The following DSCAML1 variants were observed in gnomAD, a reference collection of about 807,000 sequenced individuals.
DSCAML1 encodes DS cell adhesion molecule like 1, also known as cell adhesion molecule DSCAML1.
DSCAML1 carries 38 observed loss-of-function variants against 200.5 expected under a neutral mutation model. The ratio of observed to expected loss-of-function variants is 0.19; its 90% CI spans 0.15 to 0.25. DSCAML1 has a LOEUF of 0.25. Among genes scored for constraint, DSCAML1 ranks in the 10% least tolerant of loss-of-function variants. The pLI is 1.00. For synonymous variants in DSCAML1, 1,215 were observed against 1,165.0 expected (o/e 1.04, Z -0.87); for missense variants, 2,223 against 2,858.8 (o/e 0.78, Z 5.07).
intron 3 of DSCAML1, among the ~76,000 whole-genome samples, chr11:117,557,438 G>A (rs2050578604): frequency 6.6e-6 from 1 of 152,202 alleles, no homozygotes; most frequent in South Asian, 2.1e-4. Context: ...GTCCCTGGAG[G>A]GGGTTGGGTA....
chr11:117,713,697 C>T lies in DSCAML1; in HGVS notation c.511+63094G>A, dbSNP rs376514900. Among the ~76,000 whole-genome samples, 12 of 152,322 alleles carry T rather than the reference C, an allele frequency of 7.9e-5. No homozygotes were observed. In the South Asian group the frequency reaches 2.5e-3, roughly 32 times the overall value. The stretch of plus-strand genomic sequence containing the variant: ...AATGAACATAAAAATTTATGACCTC[C>T]GTCACCAGTTCAGATGTGTCCCCTT... On this transcript the variant is annotated intron_variant, in intron 3 of 32. Coordinates refer to ENST00000651296, the MANE Select transcript of DSCAML1 (RefSeq NM_020693.4).
chr11:117,723,774 C>A (rs1369623748), intron 3 of DSCAML1, among the ~76,000 whole-genome samples: 1 of 152,180 alleles, frequency 6.6e-6, no homozygotes, highest in Admixed American at 6.5e-5. Flanking sequence ...CCAGAGAGAT[C>A]GCTGGTGATT....
upstream of DSCAML1, among the ~76,000 whole-genome samples, chr11:117,800,671 G>T (rs1017189929): frequency 2.6e-5 from 4 of 152,210 alleles, no homozygotes; most frequent in African/African-American, 9.7e-5. Flanking sequence ...AATGCTGGGT[G>T]ATGATCTGTC....
At chr11:117,459,025 A>G (rs947624051) in intron 18 of DSCAML1, 116 bp from the exon 19 acceptor site, 8 of 1,362,748 alleles carry the variant, frequency 5.9e-6, no homozygotes, top group Middle Eastern at 1.8e-4. Flanking sequence ...CCTCGACTCC[A>G]TGGTGGCGAG....
intron 19 of DSCAML1, 122 bp downstream of exon 19, chr11:117,458,632 C>G: frequency 7.7e-7 from 1 of 1,292,984 alleles, no homozygotes; most frequent in Non-Finnish European, 1.1e-6. Flanking sequence ...AGGCTACTCT[C>G]CCACAGTTTG....
intron 3 of DSCAML1, among the ~76,000 whole-genome samples, chr11:117,766,738 T>C (rs2054904450): frequency 6.6e-6 from 1 of 152,204 alleles, no homozygotes. Flanking sequence ...ATGAACTAAA[T>C]GGAAAAGCAA....
intron 3 of DSCAML1, among the ~76,000 whole-genome samples, chr11:117,572,242 C>G (rs1247617425): frequency 6.6e-6 from 1 of 152,206 alleles, no homozygotes; most frequent in African/African-American, 2.4e-5. Flanking sequence ...AACATTCTTG[C>G]CTTCCTCTTC....
chr11:117,646,136 G>A (rs1293911544), intron 3 of DSCAML1, among the ~76,000 whole-genome samples: 2 of 147,234 alleles, frequency 1.4e-5, no homozygotes, highest in African/African-American at 2.4e-5. Flanking sequence ...GACCTTGGAA[G>A]ACTCCATTTA....
intron 26 of DSCAML1, among the ~76,000 whole-genome samples, chr11:117,436,338 C>T (rs775119797): frequency 1.3e-5 from 2 of 152,210 alleles, no homozygotes; most frequent in Non-Finnish European, 2.9e-5. Context: ...TAACCCTCTG[C>T]CAAGCCCTGA....
At chr11:117,443,804 G>A in intron 21 of DSCAML1, 82 bp downstream of exon 21, 1 of 1,502,006 alleles carries the variant, frequency 6.7e-7, no homozygotes, top group South Asian at 1.3e-5. Context: ...AGCAGGCAGA[G>A]ACCCTGTCTG....
intron 3 of DSCAML1, among the ~76,000 whole-genome samples, chr11:117,705,854 G>A (rs2053750202): frequency 6.6e-6 from 1 of 152,142 alleles, no homozygotes; most frequent in Admixed American, 6.5e-5. Flanking sequence ...ACTTAATCTT[G>A]GAGCCTCAAT....
Position 117,558,186 on chromosome 11 carries a change from C to T in DSCAML1, c.512-25664G>A, listed in dbSNP as rs376199920. 2.6e-5 allele frequency among the ~76,000 whole-genome samples: 4 copies of T among 152,058 alleles called. No individual in the cohort carries two copies. The East Asian group carries it at 5.8e-4, about 22-fold the overall frequency. On this transcript the variant is annotated intron_variant, in intron 3 of 32. Transcript: ENST00000651296. ...TAGAGGCAACAAAAGAAGCAGTGGGCATGTAGCTGTGGGCAAACTGAGAAG... is the reference window on the plus strand; with the variant it reads ...TAGAGGCAACAAAAGAAGCAGTGGGTATGTAGCTGTGGGCAAACTGAGAAG...
intron 3 of DSCAML1, among the ~76,000 whole-genome samples, chr11:117,545,438 G>C (rs1179422878): frequency 1.3e-5 from 2 of 152,130 alleles, no homozygotes; most frequent in African/African-American, 4.8e-5. Context: ...CCCAGTCTGT[G>C]GTATTGTGTT....
At chr11:117,529,876 C>A (rs577929123) in intron 4 of DSCAML1, among the ~76,000 whole-genome samples, 1 of 152,226 alleles carries the variant, frequency 6.6e-6, no homozygotes, top group African/African-American at 2.4e-5. Context: ...CCAACCCCCT[C>A]GGCACTGCTT....
At chr11:117,662,694 G>T (rs2052880483) in intron 3 of DSCAML1, among the ~76,000 whole-genome samples, 1 of 152,228 alleles carries the variant, frequency 6.6e-6, no homozygotes, top group East Asian at 1.9e-4. Context: ...TTTCAGGTAG[G>T]TGTAGAGGCT....
chr11:117,811,039 T>C (rs553174345), intron 1 of DSCAML1, among the ~76,000 whole-genome samples: 8 of 152,156 alleles, frequency 5.3e-5, no homozygotes, highest in Non-Finnish European at 1.0e-4. Flanking sequence ...TTATCGCCTC[T>C]CCTCCTCACA....
intron 3 of DSCAML1, among the ~76,000 whole-genome samples, chr11:117,600,337 A>T (rs1421336021): frequency 6.6e-6 from 1 of 152,054 alleles, no homozygotes; most frequent in Non-Finnish European, 1.5e-5. Context: ...AACATCTTGC[A>T]GGCACGTGAC....
intron 3 of DSCAML1, among the ~76,000 whole-genome samples, chr11:117,688,729 C>T (rs1474537505): frequency 1.3e-5 from 2 of 152,218 alleles, no homozygotes; most frequent in Admixed American, 6.5e-5. Context: ...GAAGATACTT[C>T]GAAGAGGCTG....
chr11:117,521,925 A>C (rs1372175128), intron 5 of DSCAML1, among the ~76,000 whole-genome samples: 1 of 151,718 alleles, frequency 6.6e-6, no homozygotes, highest in Non-Finnish European at 1.5e-5. Context: ...ACGTGGCAGC[A>C]CCTCCCTGCC....
Sources: allele counts gnomAD v4.1 joint callset (sites outside exome capture counted in the v4.1 genomes callset), GRCh38; gene constraint gnomAD v4.1.1; transcripts MANE v1.5; gene names NCBI Gene and HGNC (gene_info 2026-07-23, HGNC 2026-07-21).